Variants in PLXNB2 observed in about 807,000 individuals in gnomAD.
PLXNB2 encodes the protein plexin-B2.
A neutral mutation model predicts 202.6 loss-of-function variants in PLXNB2; 85 were observed. That is an observed-to-expected ratio of 0.42 (90% CI 0.35 to 0.50). The LOEUF (loss-of-function observed/expected upper bound fraction) is 0.50. Among genes scored for constraint, PLXNB2 ranks in the 20% least tolerant of loss-of-function variants. PLXNB2 has a pLI of 0.02. For missense variants in PLXNB2, 2,063 were observed against 2,586.2 expected (o/e 0.80, Z 4.39); for synonymous variants, 1,239 against 1,137.6 (o/e 1.09, Z -1.79).
chr22:50,289,162 A>C lies in PLXNB2; in HGVS notation c.1069-20T>G. The C allele has an allele frequency of 6.5e-7, 1 of 1,536,794 alleles. No homozygotes were observed. The highest frequency in any genetic ancestry group is 8.8e-7 in the Non-Finnish European group (1 of 1,142,502). ...GGAGCCCTGCGGACCACAGCGTGTC[A>C]ATGGCAGGCAGACCCCCTGTCCTGA... On this transcript the variant is annotated intron_variant, in intron 3 of 36. Coordinates refer to ENST00000359337, the MANE Select transcript of PLXNB2 (RefSeq NM_012401.4). The surrounding 1 kb of genome is among the most constrained non-coding windows in gnomAD (Gnocchi z 8.0).
At chr22:50,307,169 G>C (rs2147744988) in intron 1 of PLXNB2, among the ~76,000 whole-genome samples, 1 of 152,268 alleles carries the variant, frequency 6.6e-6, no homozygotes, top group South Asian at 2.1e-4. Flanking sequence ...GGCAAATCCA[G>C]GCTCCTGTGC....
chr22:50,280,545 G>C lies in PLXNB2; in HGVS notation c.4119C>G (p.Phe1373Leu). ...EYYTDIMHTL[F>L]LELLEQYVVA... ...CCACGTACTGCTCCAGGAGCTCCAG[G>C]AAGAGCGTGTGCATGATGTCCGTGT... The change falls in exon 25 of 37, where the codon TTC becomes TTG. Residue 1373 changes from phenylalanine (F) to leucine (L), a missense_variant. Physicochemically the swap from Phe to Leu is conservative, Grantham distance 22. Coordinates refer to ENST00000359337, the MANE Select transcript of PLXNB2 (RefSeq NM_012401.4). 6.2e-7 allele frequency: 1 copy of C among 1,612,018 alleles called. No homozygotes were observed. The highest frequency in any genetic ancestry group is 8.5e-7 in the Non-Finnish European group (1 of 1,179,850).
In PLXNB2 at chr22:50,291,071, G is replaced by A. The variant is rs2066837380; in HGVS notation, c.-13-474C>T. 1.3e-5 allele frequency among the ~76,000 whole-genome samples: 2 copies of A among 152,184 alleles called. No homozygotes were observed. The highest frequency in any genetic ancestry group is 4.1e-4 in the South Asian group (2 of 4,820). On this transcript the variant is annotated intron_variant, in intron 2 of 36. Transcript: ENST00000359337. The surrounding 1 kb of genome is among the most constrained non-coding windows in gnomAD (Gnocchi z 4.3). ...CAGGTGGCTCACCCATGGGGCAGAG[G>A]TGAAGGACACGGGAAACCAGAGGCT...
At position 50,291,110 on chromosome 22, in the gene PLXNB2, G is replaced by C. The variant is rs1330670948; in HGVS notation, c.-13-513C>G. The stretch of plus-strand genomic sequence containing the variant: ...AAACCAGAGGCTCAGGTGAGAGCGA[G>C]GGGTGCCCTGTGCATAGCCCAGCAA... On this transcript the variant is annotated intron_variant, in intron 2 of 36. Transcript: ENST00000359337. The surrounding 1 kb of genome is among the most constrained non-coding windows in gnomAD (Gnocchi z 4.3). 1.3e-5 allele frequency among the ~76,000 whole-genome samples: 2 copies of C among 152,156 alleles called. No homozygotes were observed. The highest frequency in any genetic ancestry group is 4.8e-5 in the African/African-American group (2 of 41,426).
At position 50,283,539 on chromosome 22, in the gene PLXNB2, C is replaced by T. The variant is rs2066181951; in HGVS notation, c.2570+63G>A. On this transcript the variant is annotated intron_variant, in intron 15 of 36. Coordinates refer to ENST00000359337, the MANE Select transcript of PLXNB2 (RefSeq NM_012401.4). ...CTCAGCCTCCCCACCCACCCAGTCA[C>T]CCGGAACCCCAGCGTGGGTACTGAC... The T allele has an allele frequency of 2.2e-5, 33 of 1,486,826 alleles. No homozygotes were observed. In the South Asian group the frequency reaches 3.5e-4, roughly 16 times the overall value. 92.1% of individuals were successfully genotyped at this position (1,486,826 alleles called of 1,614,324 possible).
Position 50,275,885 on chromosome 22 carries a change from C to G in PLXNB2, c.5412+4G>C. Reference sequence around the variant, plus strand: ...TGCCCCCGCCCCCGGGGGCCTGACCCTACCTCGTCATAGTACTTCTGCGTG... The same window carrying G: ...TGCCCCCGCCCCCGGGGGCCTGACCGTACCTCGTCATAGTACTTCTGCGTG... On this transcript the variant is annotated splice_donor_region_variant and intron_variant, in intron 36 of 36. Transcript: ENST00000359337. 6.2e-7 allele frequency: 1 copy of G among 1,612,558 alleles called. No individual in the cohort carries two copies.
chr22:50,294,501 C>T (rs974814803), intron 2 of PLXNB2, among the ~76,000 whole-genome samples: 3 of 152,086 alleles, frequency 2.0e-5, no homozygotes, highest in African/African-American at 7.2e-5. Flanking sequence ...AACAGCTTGG[C>T]CTCAGAGAAC....
chr22:50,281,410 C>T lies in PLXNB2; in HGVS notation c.3612G>A (p.Leu1204=). The T allele has an allele frequency of 6.2e-7, 1 of 1,612,484 alleles. No homozygotes were observed. Among genetic ancestry groups the T allele is most frequent in the Non-Finnish European group, 8.5e-7 (1 of 1,179,786 alleles). Residue 1204 remains leucine (L), a synonymous_variant, in exon 22 of 37, where the codon CTG becomes CTA. Coordinates refer to ENST00000359337, the MANE Select transcript of PLXNB2 (RefSeq NM_012401.4). ...SDVPLSLILP[L]VIVPMVVVIA... is the part of the protein sequence containing the mutation. The stretch of plus-strand genomic sequence containing the variant: ...TGACGACCACCATGGGCACGATGAC[C>T]AGCGGCAAGATGAGGCTGAGCGGCA...
rs904320116 is a variant in PLXNB2, at chr22:50,284,272, G to C, written c.2182-59C>G. On this transcript the variant is annotated intron_variant, in intron 12 of 36. Transcript: ENST00000359337. This position sits in a 1 kb window ranked among gnomAD's most constrained non-coding sequence, Gnocchi z 8.0. ...GCCCCCACAGAGGGGCGTGGGGCGG[G>C]GGTCACAAGGGCAGCCTCCCTGTGG... is the stretch of plus-strand genomic sequence containing the variant. 2.6e-5 allele frequency: 38 copies of C among 1,486,796 alleles called. No individual in the cohort carries two copies. Among genetic ancestry groups the C allele is most frequent in the Non-Finnish European group, 3.5e-5 (37 of 1,068,032 alleles). The allele number at this position is 1,486,796 out of a possible 1,614,324, so 92.1% of individuals were successfully genotyped here.
Position 50,282,595 on chromosome 22 carries a change from C to T in PLXNB2, c.2987+116G>A, listed in dbSNP as rs530132772. ...GAGTGCAGTGGGGTTTTCCGGAGGC[C>T]GCCTCCCGCTGCACAGACCAGCCCC... On this transcript the variant is annotated intron_variant, in intron 18 of 36. Transcript: ENST00000359337. The T allele has an allele frequency of 8.0e-4, 609 of 760,360 alleles. 2 individuals carry two copies. Among genetic ancestry groups the T allele is most frequent in the Non-Finnish European group, 1.1e-3 (543 of 496,484 alleles). 47.1% of individuals were successfully genotyped at this position (760,360 alleles called of 1,614,324 possible).
Position 50,286,220 on chromosome 22 carries a change from G to T in PLXNB2, c.1830C>A (p.Tyr610Ter). The change falls in exon 9 of 37, where the codon TAC (tyrosine) becomes TAA (stop). Residue 610 changes from tyrosine (Y) to a stop codon, truncating the protein, a stop_gained. Coordinates refer to ENST00000359337, the MANE Select transcript of PLXNB2 (RefSeq NM_012401.4). LOFTEE classifies it high-confidence loss of function. ...RGNIFLTSYQ[Y>*]PFYDCRQAMS... ...TGGCCTGGCGGCAGTCGTAGAAGGG[G>T]TACTGGTAGGACGTGAGGAAGATGT... 1 of 1,613,278 alleles carries T rather than the reference G, an allele frequency of 6.2e-7. No individual in the cohort carries two copies. The highest frequency in any genetic ancestry group is 8.5e-7 in the Non-Finnish European group (1 of 1,179,926).
chr22:50,283,943 G>T lies in PLXNB2; in HGVS notation c.2311C>A (p.Arg771=). The T allele has an allele frequency of 6.4e-7, 1 of 1,559,934 alleles. No individual in the cohort carries two copies. Among genetic ancestry groups the T allele is most frequent in the Non-Finnish European group, 8.7e-7 (1 of 1,154,314 alleles). ...CACCTGTAGTCGGGGTTAGCGGCCC[G>T]GCACAGGCTGCAGTCGCTGCGGCCA... ...SFGRSDCSLC[R]AANPDYRCAW... Residue 771 remains arginine, a synonymous_variant, in exon 14 of 37, where the codon CGG becomes AGG. Coordinates refer to ENST00000359337, the MANE Select transcript of PLXNB2 (RefSeq NM_012401.4).
Position 50,283,055 on chromosome 22 carries a change from A to G in PLXNB2, c.2811T>C (p.Cys937=), listed in dbSNP as rs781737287. 15 of 1,609,656 alleles carry G rather than the reference A, an allele frequency of 9.3e-6. No homozygotes were observed. The highest frequency in any genetic ancestry group is 1.2e-5 in the Non-Finnish European group (14 of 1,178,382). Residue 937 remains cysteine, a synonymous_variant, in exon 17 of 37, where the codon TGT becomes TGC. Transcript: ENST00000359337. The part of the protein sequence containing the change: ...DVRVTLNGVP[C]KVTKFGAQLQ... ...CAGCTGGCGGTGACACCCACACTTTACACGGGACGCCGTTGAGGGTCACCC... is the reference window on the plus strand; with the variant it reads ...CAGCTGGCGGTGACACCCACACTTTGCACGGGACGCCGTTGAGGGTCACCC...
intron 1 of PLXNB2, chr22:50,300,461 C>T (rs1007345338): frequency 1.2e-4 from 39 of 312,102 alleles, no homozygotes; most frequent in African/African-American, 3.4e-4. Flanking sequence ...AGCAGCCTCC[C>T]GCAGGACTCC....
intron 1 of PLXNB2, among the ~76,000 whole-genome samples, chr22:50,304,018 T>C (rs1472543727): frequency 6.6e-6 from 1 of 152,118 alleles, no homozygotes; most frequent in Non-Finnish European, 1.5e-5. Flanking sequence ...AGCTCAGGTG[T>C]GGCCTTAGGG....
Position 50,276,708 on chromosome 22 carries a change from C to T in PLXNB2, c.5262-4G>A. The T allele has an allele frequency of 1.9e-6, 3 of 1,612,790 alleles. No homozygotes were observed. Among genetic ancestry groups the T allele is most frequent in the Non-Finnish European group, 2.5e-6 (3 of 1,179,108 alleles). On this transcript the variant is annotated splice_polypyrimidine_tract_variant and splice_region_variant and intron_variant, in intron 34 of 36. Coordinates refer to ENST00000359337, the MANE Select transcript of PLXNB2 (RefSeq NM_012401.4). ...CTGCCGGATCCCCTTGTAGTAACTG[C>T]AGGGGTGGGAGCATCATACAGTGTG...
Position 50,286,025 on chromosome 22 carries a change from G to A in PLXNB2, c.1951C>T (p.Pro651Ser). Residue 651 changes from proline (P) to serine (S), a missense_variant, in exon 10 of 37, where the codon CCC becomes TCC. Physicochemically the swap from Pro to Ser is moderately conservative, Grantham distance 74 (BLOSUM62 -1). Transcript: ENST00000359337. Reference protein sequence around the residue: ...LRYHECREASPNPEDGIVRAH... With the variant: ...LRYHECREASSNPEDGIVRAH... The stretch of plus-strand genomic sequence containing the variant: ...CGGACGATGCCGTCCTCAGGGTTGG[G>A]CGAAGCCTCCCGGCACTCGTGGTAG... The A allele has an allele frequency of 6.2e-7, 1 of 1,612,454 alleles. No homozygotes were observed. Among genetic ancestry groups the A allele is most frequent in the Non-Finnish European group, 8.5e-7 (1 of 1,179,970 alleles).
Position 50,288,600 on chromosome 22 carries a change from C to T in PLXNB2, c.1380+143G>A. On this transcript the variant is annotated intron_variant, in intron 5 of 36. Coordinates refer to ENST00000359337, the MANE Select transcript of PLXNB2 (RefSeq NM_012401.4). This position sits in a 1 kb window ranked among gnomAD's most constrained non-coding sequence, Gnocchi z 5.0. ...AGGCACTGCCCGGGACCCACCCAGC[C>T]ACCCCTCATCCAGACCAAGGAGAAG... 1.7e-6 allele frequency: 2 copies of T among 1,153,824 alleles called. No individual in the cohort carries two copies. Among genetic ancestry groups the T allele is most frequent in the Non-Finnish European group, 2.4e-6 (2 of 832,126 alleles). 71.5% of individuals were successfully genotyped at this position (1,153,824 alleles called of 1,614,324 possible).
In PLXNB2 at chr22:50,303,326, A is replaced by G. The variant is rs2067776247; in HGVS notation, c.-74+4227T>C. Among the ~76,000 whole-genome samples, 3 of 152,206 alleles carry G rather than the reference A, an allele frequency of 2.0e-5. No homozygotes were observed. In the South Asian group the frequency reaches 6.2e-4, roughly 31 times the overall value. On this transcript the variant is annotated intron_variant, in intron 1 of 36. Transcript: ENST00000359337. ...GGCCTTCAGCACCCCACTTTGGACC[A>G]GCAGGGCAGGGGGGTTCCTCCTCTG... is the stretch of plus-strand genomic sequence containing the variant.
Sources: gnomAD v4.1 joint callset for allele counts (sites outside exome capture counted in the v4.1 genomes callset) on GRCh38, gnomAD v4.1.1 for gene constraint, Gnocchi (gnomAD v3.1) non-coding constraint, MANE v1.5 for transcripts, NCBI Gene and HGNC (gene_info 2026-07-23, HGNC 2026-07-21) for gene names.